Variants in AHNAK2 observed in about 807,000 individuals in gnomAD.
AHNAK2 encodes protein AHNAK2.
Under a neutral mutation model 30.7 loss-of-function variants are expected in AHNAK2, and 18 were observed. The observed-to-expected ratio is 0.59, with a 90% CI of 0.41 to 0.87. The LOEUF is 0.87. Ranked by LOEUF, AHNAK2 falls within the 40% of genes least tolerant of loss-of-function variation. The pLI is 0.00. For missense variants in AHNAK2, 8,604 were observed against 7,373.0 expected (o/e 1.17, Z -6.11); for synonymous variants, 3,590 against 3,073.8 (o/e 1.17, Z -5.56).
In AHNAK2 at chr14:104,941,360, C is replaced by T. The variant is rs537351717; in HGVS notation, c.14091G>A (p.Ser4697=). The T allele has an allele frequency of 1.3e-4, 213 of 1,613,448 alleles. 1 individual carries two copies. The highest frequency in any genetic ancestry group is 1.3e-3 in the South Asian group (119 of 91,076). ...GLAVGEVGMD[S]KFKKLHFKVP... is the part of the protein sequence containing the mutation. ...CTTTAAAATGCAGTTTCTTAAACTT[C>T]GAATCCATTCCAACTTCTCCAACAG... is the stretch of plus-strand genomic sequence containing the variant. Residue 4697 remains serine, a synonymous_variant, in exon 7 of 7, where the codon TCG becomes TCA. Transcript: ENST00000333244.
Position 104,941,795 on chromosome 14 carries a change from G to A in AHNAK2, c.13656C>T (p.Pro4552=), listed in dbSNP as rs746412559. The change falls in exon 7 of 7, where the codon CCC becomes CCT. Residue 4552 remains proline, a synonymous_variant. Transcript: ENST00000333244. The stretch of plus-strand genomic sequence containing the variant: ...GGTCCACTTTGGGCATCTTGAAACT[G>A]GGCATCTCCACCTTGGGCAGGTGCC... The part of the protein sequence containing the change: ...LKGHLPKVEM[P]SFKMPKVDLK... 1 of 1,613,528 alleles carries A rather than the reference G, an allele frequency of 6.2e-7. No homozygotes were observed.
Position 104,946,844 on chromosome 14 carries a change from T to C in AHNAK2, c.8607A>G (p.Gln2869=), listed in dbSNP as rs549959692. The C allele has an allele frequency of 2.5e-6, 4 of 1,606,130 alleles. No individual in the cohort carries two copies. The highest frequency in any genetic ancestry group is 3.4e-6 in the Non-Finnish European group (4 of 1,178,438). Residue 2869 remains glutamine (Q), a synonymous_variant, in exon 7 of 7, where the codon CAA becomes CAG. Transcript: ENST00000333244. ...CCACCTGGCCAGCCTGGACCTCCAG[T>C]TGGGCGGAGGGGGGCTGAATGCGGA... is the stretch of plus-strand genomic sequence containing the variant. ...TDIRIQPPSA[Q]LEVQAGQVDV... is the part of the protein sequence containing the mutation.
At position 104,945,070 on chromosome 14, in the gene AHNAK2, G is replaced by C. The variant is rs201191749; in HGVS notation, c.10381C>G (p.Leu3461Val). 780 of 1,613,080 alleles carry C rather than the reference G, an allele frequency of 4.8e-4. 18 individuals are homozygous for C. In the African/African-American group the frequency reaches 9.1e-3, roughly 19 times the overall value. ...DGARLEGDLS[L>V]AEKDVTAKDS... ...TTGGCAGTCACATCCTTTTCAGCCA[G>C]GGACAGGTCCCCCTCCAGCCGCGCA... The change falls in exon 7 of 7, where the codon CTG becomes GTG. Residue 3461 changes from leucine (L) to valine (V), a missense_variant. Leu to Val is a conservative substitution (Grantham distance 32). Coordinates refer to ENST00000333244, the MANE Select transcript of AHNAK2 (RefSeq NM_138420.4).
intron 1 of AHNAK2, chr14:104,970,489 AGAAGC>A: frequency 1.2e-5 from 12 of 985,370 alleles, no homozygotes; most frequent in Non-Finnish European, 1.4e-5. Flanking sequence ...CAACTGGCCC[AGAAGC>A]GAAGATCCCA....
chr14:104,955,428 C>T, intron 5 of AHNAK2, 55 bp downstream of exon 5: 3 of 1,558,220 alleles, frequency 1.9e-6, no homozygotes, highest in Non-Finnish European at 2.6e-6. Context: ...CCCTCCAGGT[C>T]CCTCCCATCC....
At chr14:104,970,663 G>A (rs1176842885) in intron 1 of AHNAK2, among the ~76,000 whole-genome samples, 2 of 152,096 alleles carry the variant, frequency 1.3e-5, no homozygotes, top group African/African-American at 4.8e-5. Context: ...CAGGAGCCTG[G>A]CCAGCCCCCA....
Position 104,946,214 on chromosome 14 carries a change from G to A in AHNAK2, c.9237C>T (p.Pro3079=). ...GCTTGGGGCCCTTGACATCTATCTG[G>A]GGTCCCTTGCGATCTACTTTGGGCA... ...FKMPKVDRKG[P]QIDVKGPKLD... Residue 3079 remains proline, a synonymous_variant, in exon 7 of 7, where the codon CCC becomes CCT. Transcript: ENST00000333244. 1 of 1,593,096 alleles carries A rather than the reference G, an allele frequency of 6.3e-7. No individual in the cohort carries two copies. The highest frequency in any genetic ancestry group is 8.6e-7 in the Non-Finnish European group (1 of 1,169,286).
Position 104,947,469 on chromosome 14 carries a change from G to A in AHNAK2, c.7982C>T (p.Ser2661Leu), listed in dbSNP as rs746854104. The change falls in exon 7 of 7, where the codon TCG becomes TTG. Residue 2661 changes from serine (S) to leucine (L), a missense_variant. Transcript: ENST00000333244. ...PKFKMPSFRV[S>L]APGESIEALV... Reference sequence around the variant, plus strand: ...CGCCTCGATGGACTCGCCTGGGGCCGACACCCTGAATGATGGCATCTTGAA... The same window carrying A: ...CGCCTCGATGGACTCGCCTGGGGCCAACACCCTGAATGATGGCATCTTGAA... 13 of 1,612,572 alleles carry A rather than the reference G, an allele frequency of 8.1e-6. No homozygotes were observed. The highest frequency in any genetic ancestry group is 3.3e-5 in the Admixed American group (2 of 59,920).
intron 1 of AHNAK2, among the ~76,000 whole-genome samples, chr14:104,969,057 C>T (rs77480445): frequency 0.043 from 6,503 of 152,300 alleles, 150 homozygotes; most frequent in Middle Eastern, 0.085. Context: ...CTTCAGACTT[C>T]CCTGAGCAAC....
rs1441430408 is a variant in AHNAK2, at chr14:104,938,542, G to A, written c.16909C>T (p.Pro5637Ser). 1.9e-6 allele frequency: 3 copies of A among 1,613,234 alleles called. No homozygotes were observed. Among genetic ancestry groups the A allele is most frequent in the South Asian group, 1.1e-5 (1 of 90,972 alleles). Residue 5637 changes from proline to serine, a missense_variant, in exon 7 of 7, where the codon CCA (proline) becomes TCA (serine). Pro to Ser is a moderately conservative substitution (Grantham distance 74). Coordinates refer to ENST00000333244, the MANE Select transcript of AHNAK2 (RefSeq NM_138420.4). ...AGCAGACCAGATTTTTTACTTTCTG[G>A]TTTGTCTTTTGGAGCCCTGCCTTCA... ...ADEGRAPKDKPESKKSGLLWF... is the reference protein window; with the variant it reads ...ADEGRAPKDKSESKKSGLLWF...
In AHNAK2 at chr14:104,940,710, G is replaced by A; in HGVS notation, c.14741C>T (p.Pro4914Leu). The A allele has an allele frequency of 6.2e-7, 1 of 1,612,960 alleles. No homozygotes were observed. Among genetic ancestry groups the A allele is most frequent in the Non-Finnish European group, 8.5e-7 (1 of 1,179,726 alleles). The stretch of plus-strand genomic sequence containing the variant: ...TGGGCCCTGAGACACACAGGTGCCT[G>A]GGGATGGCAGCTGGGTGCTTGGCAA... Reference protein sequence around the residue: ...CPLPSTQLPSPGTCVSQGPEE... With the variant: ...CPLPSTQLPSLGTCVSQGPEE... The change falls in exon 7 of 7, where the codon CCA becomes CTA. Residue 4914 changes from proline (P) to leucine (L), a missense_variant. Coordinates refer to ENST00000333244, the MANE Select transcript of AHNAK2 (RefSeq NM_138420.4). This position sits in a 1 kb window ranked among gnomAD's most constrained non-coding sequence, Gnocchi z 4.4.
chr14:104,968,213 A>G (rs1257229967), intron 1 of AHNAK2, among the ~76,000 whole-genome samples: 1 of 151,912 alleles, frequency 6.6e-6, no homozygotes, highest in East Asian at 1.9e-4. Context: ...TTGTGGAGGG[A>G]CCCCGGGACC....
chr14:104,963,397 A>G (rs780370885), intron 1 of AHNAK2, among the ~76,000 whole-genome samples: 5 of 152,252 alleles, frequency 3.3e-5, no homozygotes, highest in Non-Finnish European at 4.4e-5. Context: ...AGAGAAAATT[A>G]ATTTCATGTG....
chr14:104,957,708 G>C (rs749767432), intron 1 of AHNAK2, 36 bp from the exon 2 acceptor site: 3 of 1,595,412 alleles, frequency 1.9e-6, no homozygotes, highest in Non-Finnish European at 2.6e-6. Flanking sequence ...AGACAAGCAG[G>C]CTGGGGGAGC....
In AHNAK2 at chr14:104,952,979, C is replaced by T. The variant is rs1566919204; in HGVS notation, c.2472G>A (p.Lys824=). ...ACTTGCTGTCTTTGGCAGTCACCTCCTTGTCGGCCAGGGACAGGTCCCCCT... is the reference window on the plus strand; with the variant it reads ...ACTTGCTGTCTTTGGCAGTCACCTCTTTGTCGGCCAGGGACAGGTCCCCCT... ...RLEGDLSLAD[K]EVTAKDSKFK... The change falls in exon 7 of 7, where the codon AAG becomes AAA. Residue 824 remains lysine (K), a synonymous_variant. Transcript: ENST00000333244. 1.9e-6 allele frequency: 3 copies of T among 1,612,482 alleles called. No homozygotes were observed. The highest frequency in any genetic ancestry group is 2.2e-5 in the East Asian group (1 of 44,798).
At position 104,949,741 on chromosome 14, in the gene AHNAK2, C is replaced by T. The variant is rs773928163; in HGVS notation, c.5710G>A (p.Gly1904Arg). 1.3e-6 allele frequency: 2 copies of T among 1,587,792 alleles called. No individual in the cohort carries two copies. Among genetic ancestry groups the T allele is most frequent in the East Asian group, 4.5e-5 (2 of 44,704 alleles). The change falls in exon 7 of 7, where the codon GGG (glycine) becomes AGG (arginine). Residue 1904 changes from glycine (G) to arginine (R), a missense_variant. Transcript: ENST00000333244. Reference protein sequence around the residue: ...GQVPEGAGLKGHLPKVDMPSF... With the variant: ...GQVPEGAGLKRHLPKVDMPSF... The stretch of plus-strand genomic sequence containing the variant: ...GGCATATCCACCTTGGGCAAGTGCC[C>T]TTTGAGGCCGGCTCCCTCGGGCACC...
At chr14:104,977,264 G>A (rs1009122036) in intron 1 of AHNAK2, among the ~76,000 whole-genome samples, 3 of 152,208 alleles carry the variant, frequency 2.0e-5, no homozygotes, top group Non-Finnish European at 4.4e-5. Flanking sequence ...CAATGCCCTG[G>A]GTGTGGTCAG....
rs755924451 is a variant in AHNAK2 at position 104,952,902 on chromosome 14, T to C, written c.2549A>G (p.Lys850Arg). Residue 850 changes from lysine to arginine, a missense_variant, in exon 7 of 7, where the codon AAG (lysine) becomes AGG (arginine). Physicochemically the swap from Lys to Arg is conservative, Grantham distance 26 (BLOSUM62 2). Coordinates refer to ENST00000333244, the MANE Select transcript of AHNAK2 (RefSeq NM_138420.4). ...CACATCCACCGAGTCCTCCATGGAC[T>C]TGCCTGGGGCCGACACCCCGAATGA... ...MPSFGVSAPG[K>R]SMEDSVDVSA... 7 of 1,611,960 alleles carry C rather than the reference T, an allele frequency of 4.3e-6. No individual in the cohort carries two copies. The highest frequency in any genetic ancestry group is 1.7e-5 in the Admixed American group (1 of 59,872).
chr14:104,953,359 C>G lies in AHNAK2; in HGVS notation c.2092G>C (p.Val698Leu), dbSNP rs372677521. The G allele has an allele frequency of 1.7e-5, 28 of 1,613,700 alleles. No homozygotes were observed. In the African/African-American group the frequency reaches 3.2e-4, roughly 18 times the overall value. ...TCCACCTTCGGCGCAGACACATCCA[C>G]CGAGGCCTCCATGGACTTGCCTGGG... ...SAPGKSMEASVDVSAPKVEAD... is the reference protein window; with the variant it reads ...SAPGKSMEASLDVSAPKVEAD... Residue 698 changes from valine (V) to leucine (L), a missense_variant, in exon 7 of 7, where the codon GTG becomes CTG. Val to Leu is a conservative substitution (Grantham distance 32, BLOSUM62 1). Coordinates refer to ENST00000333244, the MANE Select transcript of AHNAK2 (RefSeq NM_138420.4).
Sources: allele counts gnomAD v4.1 joint callset (sites outside exome capture counted in the v4.1 genomes callset), GRCh38; gene constraint gnomAD v4.1.1; non-coding constraint Gnocchi (gnomAD v3.1); transcripts MANE v1.5; gene names NCBI Gene and HGNC (gene_info 2026-07-23, HGNC 2026-07-21).